Variants in TPRG1 observed in about 807,000 individuals in gnomAD.
TPRG1 encodes the protein tumor protein p63-regulated gene 1 protein.
Under a neutral mutation model 29.3 loss-of-function variants are expected in TPRG1, and 29 were observed. The ratio of observed to expected loss-of-function variants is 0.99; its 90% confidence interval spans 0.74 to 1.35. The LOEUF is 1.35. Ranked by LOEUF, TPRG1 falls within the 40% of genes most tolerant of loss-of-function variation. The pLI, the probability that TPRG1 is intolerant of heterozygous loss-of-function variation, is 0.00. For synonymous variants in TPRG1, 130 were observed against 116.8 expected (o/e 1.11, Z -0.73); for missense variants, 327 against 335.0 (o/e 0.98, Z 0.19).
At chr3:189,053,813 GTT>G (rs989860420) in intron 4 of TPRG1, among the ~76,000 whole-genome samples, 1 of 152,188 alleles carries the variant, frequency 6.6e-6, no homozygotes, top group African/African-American at 2.4e-5. Context: ...GGACCCTTGT[GTT>G]TTGGTAACAA....
chr3:189,194,198 G>A lies in TPRG1; in HGVS notation c.-9-13178G>A, dbSNP rs544546907. Among the ~76,000 whole-genome samples, 12 of 152,194 alleles carry A rather than the reference G, an allele frequency of 7.9e-5. No homozygotes were observed. The South Asian group carries it at 2.3e-3, about 29-fold the overall frequency. On this transcript the variant is annotated intron_variant, in intron 1 of 5. Transcript: ENST00000345063. ...TAGCTGTATTCAATGTCAGTAGTAA[G>A]TGTGGGCACCTCAGTGGCCTAGGCT...
chr3:189,111,938 T>G (rs1720580998), intron 1 of TPRG1, among the ~76,000 whole-genome samples: 1 of 152,180 alleles, frequency 6.6e-6, no homozygotes, highest in South Asian at 2.1e-4. Context: ...GTAACTCTTC[T>G]GATGGTGCCC....
At chr3:189,137,018 C>T (rs894244732) in intron 3 of TPRG1, among the ~76,000 whole-genome samples, 13 of 152,066 alleles carry the variant, frequency 8.5e-5, no homozygotes, top group African/African-American at 3.1e-4. Context: ...TCTGGAAAGA[C>T]AGAGTTCATA....
chr3:189,182,051 C>A (rs1299586717), intron 1 of TPRG1, among the ~76,000 whole-genome samples: 1 of 152,204 alleles, frequency 6.6e-6, no homozygotes, highest in Non-Finnish European at 1.5e-5. Context: ...TATTCACTAT[C>A]ATGAGAAAGA....
intron 4 of TPRG1, among the ~76,000 whole-genome samples, chr3:189,082,613 C>T (rs750535355): frequency 2.9e-4 from 44 of 152,040 alleles, no homozygotes; most frequent in Non-Finnish European, 5.3e-4. Context: ...CTTGAGCAAC[C>T]GAGACAGGTA....
At chr3:189,259,170 C>G (rs977357184) in intron 4 of TPRG1, among the ~76,000 whole-genome samples, 1 of 152,068 alleles carries the variant, frequency 6.6e-6, no homozygotes, top group African/African-American at 2.4e-5. Flanking sequence ...TTGTGAAGAT[C>G]GTGGGGAAAG....
chr3:189,219,227 T>C (rs1736555907), intron 3 of TPRG1, among the ~76,000 whole-genome samples: 1 of 152,228 alleles, frequency 6.6e-6, no homozygotes, highest in Non-Finnish European at 1.5e-5. Flanking sequence ...ATTCTCTAAA[T>C]TGATATGGGC....
intron 3 of TPRG1, among the ~76,000 whole-genome samples, chr3:189,221,948 C>T (rs561077287): frequency 1.3e-4 from 20 of 150,386 alleles, no homozygotes; most frequent in Admixed American, 4.0e-4. Flanking sequence ...CTTCTCGTTA[C>T]ACTGCTTTTG....
At chr3:189,298,728 G>A (rs2109250705) in intron 4 of TPRG1, among the ~76,000 whole-genome samples, 1 of 152,342 alleles carries the variant, frequency 6.6e-6, no homozygotes, top group Non-Finnish European at 1.5e-5. Context: ...TAGAGGGTAT[G>A]TGTGTGGAAG....
rs1553931591 is a variant in TPRG1 at position 189,250,515 on chromosome 3, C to CT, written c.479+11606_479+11607insT. Among the ~76,000 whole-genome samples the CT allele has an allele frequency of 5.9e-4, 63 of 106,742 alleles. 1 individual carries two copies. The highest frequency in any genetic ancestry group is 2.0e-3 in the African/African-American group (63 of 31,736). The allele number at this position is 106,742 out of a possible 152,430, so 70.0% of individuals were successfully genotyped here. On this transcript the variant is annotated intron_variant, in intron 4 of 5. Coordinates refer to ENST00000345063, the MANE Select transcript of TPRG1 (RefSeq NM_198485.4). ...AAGTTCTGATTTCCGCCCCCCCCCC[C>CT]CCACCCAGATTAAAGCTTTTGTTAA... is the stretch of plus-strand genomic sequence containing the variant.
At chr3:189,283,423 A>G (rs554035492) in intron 4 of TPRG1, among the ~76,000 whole-genome samples, 8 of 152,336 alleles carry the variant, frequency 5.3e-5, no homozygotes, top group Non-Finnish European at 1.0e-4. Context: ...TATATCAGTA[A>G]TAGAAATTAA....
chr3:189,238,614 C>T, intron 3 of TPRG1, 119 bp from the exon 4 acceptor site: 1 of 771,400 alleles, frequency 1.3e-6, no homozygotes. Context: ...ATTTCTCAGC[C>T]CCTCTCTCTT....
intron 5 of TPRG1, among the ~76,000 whole-genome samples, chr3:189,320,258 A>C (rs1724158914): frequency 6.6e-6 from 1 of 152,082 alleles, no homozygotes; most frequent in Admixed American, 6.6e-5. Flanking sequence ...TTAGTGACAA[A>C]GAGAGTCAGT....
At chr3:189,242,379 AT>A (rs953848877) in intron 4 of TPRG1, among the ~76,000 whole-genome samples, 4 of 149,276 alleles carry the variant, frequency 2.7e-5, no homozygotes, top group Admixed American at 2.6e-4. Flanking sequence ...ATGCATATTT[AT>A]TTTTTAATCA....
intron 4 of TPRG1, among the ~76,000 whole-genome samples, chr3:189,291,068 AT>A (rs1051098214): frequency 6.6e-6 from 1 of 151,562 alleles, no homozygotes; most frequent in African/African-American, 2.4e-5. Context: ...CACCTGGCTA[AT>A]TTTTTTTATT....
intron 5 of TPRG1, among the ~76,000 whole-genome samples, chr3:189,315,899 C>A (rs9828373): frequency 0.25 from 38,553 of 151,924 alleles, 5,322 homozygotes; most frequent in Non-Finnish European, 0.3. Context: ...ATAGGGGGAG[C>A]CCAAAAGTGG....
intron 4 of TPRG1, among the ~76,000 whole-genome samples, chr3:189,243,228 C>T (rs1740897588): frequency 6.6e-6 from 1 of 152,092 alleles, no homozygotes; most frequent in Non-Finnish European, 1.5e-5. Context: ...ATAGTGGGAG[C>T]AGGAGCAAGA....
intron 4 of TPRG1, among the ~76,000 whole-genome samples, chr3:189,094,434 T>C (rs1718541491): frequency 6.6e-6 from 1 of 152,166 alleles, no homozygotes; most frequent in Non-Finnish European, 1.5e-5. Context: ...AAAGCTTTGT[T>C]TCTGAAGAAA....
intron 4 of TPRG1, among the ~76,000 whole-genome samples, chr3:189,094,824 C>T (rs1299383559): frequency 2.0e-5 from 3 of 152,188 alleles, no homozygotes; most frequent in Admixed American, 2.0e-4. Context: ...AACTCCCCTT[C>T]TTTAGGGTGA....
Sources: allele counts gnomAD v4.1 joint callset (sites outside exome capture counted in the v4.1 genomes callset), GRCh38; gene constraint gnomAD v4.1.1; transcripts MANE v1.5; gene names NCBI Gene and HGNC (gene_info 2026-07-23, HGNC 2026-07-21).